Variants in TMEM132A observed in about 807,000 individuals in gnomAD.
TMEM132A encodes the protein GRP78-binding protein.
Under a neutral mutation model 69.9 loss-of-function variants are expected in TMEM132A, and 48 were observed. That is an observed-to-expected ratio of 0.69 (90% CI 0.55 to 0.87). The LOEUF is 0.87. TMEM132A is among the 40% of genes least tolerant of loss of function. The pLI is 0.00. For synonymous variants in TMEM132A, 577 were observed against 613.7 expected, an observed-to-expected ratio of 0.94 and a Z score of 0.88; for missense variants, 1,287 against 1,407.2, an observed-to-expected ratio of 0.91 and a Z score of 1.37.
intron 8 of TMEM132A, 27 bp from the exon 9 acceptor site, chr11:60,934,461 G>C: frequency 2.2e-6 from 3 of 1,356,608 alleles, no homozygotes; most frequent in Non-Finnish European, 2.8e-6. Context: ...AGCGCTGACG[G>C]CCAGTCCCGG....
chr11:60,935,795 T>C lies in TMEM132A; in HGVS notation c.2029-69T>C. The stretch of plus-strand genomic sequence containing the variant: ...CTCTCCTCCATGTGGCCTATCTCTG[T>C]GGGAGTGGTTTCTCTGTGCATGCGT... On this transcript the variant is annotated intron_variant, in intron 10 of 10. Coordinates refer to ENST00000453848, the MANE Select transcript of TMEM132A (RefSeq NM_178031.3). This position sits in a 1 kb window ranked among gnomAD's most constrained non-coding sequence, Gnocchi z 5.0. The C allele has an allele frequency of 6.4e-7, 1 of 1,550,670 alleles. No individual in the cohort carries two copies.
intron 5 of TMEM132A, 54 bp downstream of exon 5, chr11:60,930,713 T>G: frequency 6.5e-7 from 1 of 1,530,836 alleles, no homozygotes; most frequent in Non-Finnish European, 8.8e-7. Context: ...GGTTATAGAG[T>G]GCAGTTGAGC....
chr11:60,933,966 C>T, intron 8 of TMEM132A: 2 of 577,238 alleles, frequency 3.5e-6, no homozygotes, highest in African/African-American at 1.9e-5. Context: ...TCACTTCTCC[C>T]GTAGCACCCT....
intron 4 of TMEM132A, 69 bp downstream of exon 4, chr11:60,929,029 C>T: frequency 2.0e-6 from 3 of 1,507,658 alleles, no homozygotes; most frequent in Non-Finnish European, 2.7e-6. Context: ...CAGGTACCTG[C>T]TCCTCCTGGG....
Position 60,937,132 on chromosome 11 carries a change from A to G in TMEM132A, c.*225A>G. 1 of 1,521,550 alleles carries G rather than the reference A, an allele frequency of 6.6e-7. No individual in the cohort carries two copies. 94.3% of individuals were successfully genotyped at this position (1,521,550 alleles called of 1,614,324 possible). A position where few individuals can be genotyped will look rare whatever the true frequency, so the allele number is the denominator to read the frequency against. On this transcript the variant is annotated 3_prime_UTR_variant, in exon 11 of 11. Coordinates refer to ENST00000453848, the MANE Select transcript of TMEM132A (RefSeq NM_178031.3). ...TTATTTATGGGAACCATTTCATTCT[A>G]ACAGAATAAACCGAGAAGGAAACCA...
chr11:60,929,998 G>A (rs1856441662), intron 4 of TMEM132A, among the ~76,000 whole-genome samples: 1 of 152,212 alleles, frequency 6.6e-6, no homozygotes, highest in African/African-American at 2.4e-5. Flanking sequence ...TGCGGTGGGA[G>A]CTCAGGTGAG....
chr11:60,929,583 G>A (rs1856431352), intron 4 of TMEM132A, among the ~76,000 whole-genome samples: 1 of 152,200 alleles, frequency 6.6e-6, no homozygotes, highest in African/African-American at 2.4e-5. Flanking sequence ...TAGGCTTTAA[G>A]ATTCTGAGAA....
At position 60,927,280 on chromosome 11, in the gene TMEM132A, C is replaced by A. The variant is rs1856367493; in HGVS notation, c.177C>A (p.Phe59Leu). The change falls in exon 2 of 11, where the codon TTC becomes TTA. Residue 59 changes from phenylalanine to leucine, a missense_variant. Phe to Leu is a conservative substitution (Grantham distance 22, BLOSUM62 0). Transcript: ENST00000453848. ...AGCTCCTAGACGCCCCTGAACACTT[C>A]CGTGTGCAGCAGGTGGGCCACTACC... ...ALELLDAPEH[F>L]RVQQVGHYPP... The A allele has an allele frequency of 6.2e-7, 1 of 1,613,452 alleles. No homozygotes were observed. Among genetic ancestry groups the A allele is most frequent in the African/African-American group, 1.3e-5 (1 of 74,896 alleles).
At chr11:60,933,515 G>T in intron 7 of TMEM132A, 27 bp from the exon 8 acceptor site, 1 of 1,588,226 alleles carries the variant, frequency 6.3e-7, no homozygotes, top group Non-Finnish European at 8.6e-7. Context: ...GGCTTAGCCC[G>T]CCCACCTGCC....
At position 60,927,887 on chromosome 11, in the gene TMEM132A, G is replaced by C. The variant is rs1856388459; in HGVS notation, c.534+28G>C. 8.9e-6 allele frequency: 14 copies of C among 1,578,612 alleles called. No homozygotes were observed. In the East Asian group the frequency reaches 2.9e-4, roughly 33 times the overall value. ...GAGTAGACAGGCCCCACCTAGGCTGGTCCTGCTGCAGCTGCATCAGCCAGG... is the reference window on the plus strand; with the variant it reads ...GAGTAGACAGGCCCCACCTAGGCTGCTCCTGCTGCAGCTGCATCAGCCAGG... On this transcript the variant is annotated intron_variant, in intron 3 of 10. Coordinates refer to ENST00000453848, the MANE Select transcript of TMEM132A (RefSeq NM_178031.3).
At chr11:60,934,432 G>A (rs936177283) in intron 8 of TMEM132A, 56 bp from the exon 9 acceptor site, 2 of 1,311,566 alleles carry the variant, frequency 1.5e-6, no homozygotes, top group Non-Finnish European at 1.9e-6. Context: ...GCTGGGCCCT[G>A]GGCAGGCTGG....
At position 60,927,779 on chromosome 11, in the gene TMEM132A, C is replaced by G. The variant is rs370154055; in HGVS notation, c.454C>G (p.Pro152Ala). 4.4e-5 allele frequency: 71 copies of G among 1,612,878 alleles called. No individual in the cohort carries two copies. The highest frequency in any genetic ancestry group is 5.7e-5 in the Non-Finnish European group (67 of 1,180,022). The change falls in exon 3 of 11, where the codon CCA becomes GCA. Residue 152 changes from proline to alanine, a missense_variant. Physicochemically the swap from Pro to Ala is conservative, Grantham distance 27. Coordinates refer to ENST00000453848, the MANE Select transcript of TMEM132A (RefSeq NM_178031.3). The stretch of plus-strand genomic sequence containing the variant: ...CCACCTCAAAGGGCAGGATTGGCCA[C>G]CAGGGTCTGGCAGCCTGCCCTGTGC... ...LFHLKGQDWP[P>A]GSGSLPCARL...
chr11:60,932,782 T>G (rs2134904922), intron 7 of TMEM132A: 1 of 152,326 alleles, frequency 6.6e-6, no homozygotes, highest in East Asian at 1.9e-4. Flanking sequence ...GGAAGGTGCC[T>G]TTCCCCACTT....
intron 7 of TMEM132A, chr11:60,932,522 C>T (rs1221443778): frequency 2.9e-5 from 5 of 172,478 alleles, no homozygotes; most frequent in African/African-American, 4.7e-5. Flanking sequence ...AACATATCTT[C>T]GGGTTGTTGT....
In TMEM132A at chr11:60,931,866, C is replaced by A. The variant is rs3178315; in HGVS notation, c.1194C>A (p.Ala398=). The change falls in exon 6 of 11, where the codon GCC becomes GCA. Residue 398 remains alanine (A), a synonymous_variant. Coordinates refer to ENST00000453848, the MANE Select transcript of TMEM132A (RefSeq NM_178031.3). ...EILVSERDIR[A]LIPLAKAEEL... Reference sequence around the variant, plus strand: ...TGGTGTCTGAGCGGGACATCAGAGCCCTTATCCCACTGGCCAAGGTAAGGA... The same window carrying A: ...TGGTGTCTGAGCGGGACATCAGAGCACTTATCCCACTGGCCAAGGTAAGGA... The A allele has an allele frequency of 5.0e-6, 8 of 1,614,214 alleles. No homozygotes were observed. The highest frequency in any genetic ancestry group is 6.8e-6 in the Non-Finnish European group (8 of 1,180,048).
rs1856497479 is a variant in TMEM132A, at chr11:60,932,227, A to G, written c.1356+100A>G. On this transcript the variant is annotated intron_variant, in intron 7 of 10. Transcript: ENST00000453848. Reference sequence around the variant, plus strand: ...TCCTCATGTGGGTCCCCAAGAGAACAGCTTCTTCTTGAGACGAGAAACCTC... The same window carrying G: ...TCCTCATGTGGGTCCCCAAGAGAACGGCTTCTTCTTGAGACGAGAAACCTC... 45 of 1,388,334 alleles carry G rather than the reference A, an allele frequency of 3.2e-5. No homozygotes were observed. In the South Asian group the frequency reaches 7.2e-4, roughly 22 times the overall value. The allele number at this position is 1,388,334 out of a possible 1,614,324, so 86.0% of individuals were successfully genotyped here. A position where few individuals can be genotyped will look rare whatever the true frequency, so the allele number is the denominator to read the frequency against.
chr11:60,928,932 A>G lies in TMEM132A; in HGVS notation c.838A>G (p.Asn280Asp). Residue 280 changes from asparagine (N) to aspartate (D), a missense_variant, in exon 4 of 11, where the codon AAC becomes GAC. Transcript: ENST00000453848. ...TAGTGCTACCCTCCTGCTTCGGCAC[A>G]ACTTCACAGCCAGCCTCCTGACCCT... ...LFSATLLLRH[N>D]FTASLLTLRI... 2 of 1,612,580 alleles carry G rather than the reference A, an allele frequency of 1.2e-6. No individual in the cohort carries two copies. Among genetic ancestry groups the G allele is most frequent in the Middle Eastern group, 3.3e-4 (2 of 6,062 alleles).
Position 60,928,709 on chromosome 11 carries a change from G to A in TMEM132A, c.615G>A (p.Leu205=). The A allele has an allele frequency of 6.2e-7, 1 of 1,610,722 alleles. No individual in the cohort carries two copies. Among genetic ancestry groups the A allele is most frequent in the Non-Finnish European group, 8.5e-7 (1 of 1,179,438 alleles). ...FSQASTTRAE[L]AYTLEPAAEG... ...AGGCCTCCACCACACGGGCCGAGCTGGCCTACACGCTTGAGCCTGCAGCTG... is the reference window on the plus strand; with the variant it reads ...AGGCCTCCACCACACGGGCCGAGCTAGCCTACACGCTTGAGCCTGCAGCTG... Residue 205 remains leucine, a synonymous_variant, in exon 4 of 11, where the codon CTG becomes CTA. Coordinates refer to ENST00000453848, the MANE Select transcript of TMEM132A (RefSeq NM_178031.3).
intron 4 of TMEM132A, among the ~76,000 whole-genome samples, chr11:60,929,707 T>G (rs1436540180): frequency 6.6e-6 from 1 of 152,214 alleles, no homozygotes; most frequent in Non-Finnish European, 1.5e-5. Flanking sequence ...GGACATGCTT[T>G]GAAACCTAGA....
Sources: allele counts gnomAD v4.1 joint callset (sites outside exome capture counted in the v4.1 genomes callset), GRCh38; gene constraint gnomAD v4.1.1; non-coding constraint Gnocchi (gnomAD v3.1); transcripts MANE v1.5; gene names NCBI Gene and HGNC (gene_info 2026-07-23, HGNC 2026-07-21).